The following SLFN5 variants were observed in gnomAD, a reference collection of about 807,000 sequenced individuals.
SLFN5 encodes schlafen family member 5.
Under a neutral mutation model 48.5 loss-of-function variants are expected in SLFN5, and 34 were observed. That is an observed-to-expected ratio of 0.70 (90% confidence interval 0.53 to 0.93). The LOEUF (loss-of-function observed/expected upper bound fraction) is 0.93, where lower values mean the gene tolerates loss of function less well. Ranked by LOEUF, SLFN5 falls within the 40% of genes least tolerant of loss-of-function variation. SLFN5 has a pLI of 0.00. For missense variants in SLFN5, 1,006 were observed against 1,071.3 expected (o/e 0.94, Z 0.85); for synonymous variants, 387 against 396.2 (o/e 0.98, Z 0.28).
rs747512179 is a variant in SLFN5 at position 35,259,065 on chromosome 17, C to T, written c.375C>T (p.Thr125=). ...TGTACCACAGAGAGAGAACATCCAC[C>T]GATGTCATGGATTCTCAGGAAGCTC... ...SNLYHRERTS[T]DVMDSQEALA... is the part of the protein sequence containing the mutation. Residue 125 remains threonine (T), a synonymous_variant, in exon 2 of 5, where the codon ACC becomes ACT. Transcript: ENST00000299977. 37 of 1,613,986 alleles carry T rather than the reference C, an allele frequency of 2.3e-5. No individual in the cohort carries two copies. Among genetic ancestry groups the T allele is most frequent in the African/African-American group, 1.2e-4 (9 of 74,874 alleles).
At chr17:35,261,700 A>G (rs1274437159) in intron 3 of SLFN5, among the ~76,000 whole-genome samples, 2 of 128,474 alleles carry the variant, frequency 1.6e-5, no homozygotes, top group Non-Finnish European at 3.3e-5. Flanking sequence ...TTTGAGATGA[A>G]GTTTCGCTCT....
At position 35,266,022 on chromosome 17, in the gene SLFN5, G is replaced by A. The variant is rs1413510262; in HGVS notation, c.*134G>A. The A allele has an allele frequency of 7.5e-6, 7 of 936,556 alleles. No homozygotes were observed. The highest frequency in any genetic ancestry group is 3.3e-5 in the African/African-American group (2 of 60,088). The allele number at this position is 936,556 out of a possible 1,614,324, so 58.0% of individuals were successfully genotyped here. The stretch of plus-strand genomic sequence containing the variant: ...TTTCTAGGTGCTGGGGATTGAGAAC[G>A]AATCGATGTAAGATTCCTCCTTTAG... On this transcript the variant is annotated 3_prime_UTR_variant, in exon 5 of 5. Transcript: ENST00000299977.
In SLFN5 at chr17:35,261,079, A is replaced by G; in HGVS notation, c.1121A>G (p.Gln374Arg). The G allele has an allele frequency of 6.2e-7, 1 of 1,613,618 alleles. No individual in the cohort carries two copies. The highest frequency in any genetic ancestry group is 1.7e-5 in the Admixed American group (1 of 60,018). ...HKNSECLKEQ[Q>R]KRYFPVFSDR... ...AATTCGGAATGTCTGAAAGAGCAGC[A>G]GAAACGCTACTTTCCAGGTAATTGG... is the stretch of plus-strand genomic sequence containing the variant. The change falls in exon 3 of 5, where the codon CAG becomes CGG. Residue 374 changes from glutamine (Q) to arginine (R), a missense_variant. Physicochemically the swap from Gln to Arg is conservative, Grantham distance 43. Transcript: ENST00000299977.
intron 1 of SLFN5, among the ~76,000 whole-genome samples, chr17:35,247,170 A>G (rs2092432683): frequency 6.6e-6 from 1 of 152,198 alleles, no homozygotes; most frequent in Non-Finnish European, 1.5e-5. Flanking sequence ...AGAAAGCCAA[A>G]TATGTTCCCC....
rs144075535 is a variant in SLFN5, at chr17:35,265,972, A to G, written c.*84A>G. 3.7e-6 allele frequency: 5 copies of G among 1,369,476 alleles called. No individual in the cohort carries two copies. The African/African-American group carries it at 4.4e-5, about 12-fold the overall frequency. 84.8% of individuals were successfully genotyped at this position (1,369,476 alleles called of 1,614,324 possible). A position where few individuals can be genotyped will look rare whatever the true frequency, so the allele number is the denominator to read the frequency against. ...CCATTTAATCCAAACATGTAAGCAC[A>G]CACTCACTTATTAAGTCACATACTT... On this transcript the variant is annotated 3_prime_UTR_variant, in exon 5 of 5. Transcript: ENST00000299977.
chr17:35,253,690 GTTTTT>G (rs57606643), intron 1 of SLFN5, among the ~76,000 whole-genome samples: 1,492 of 76,014 alleles, frequency 0.02, 30 homozygotes, highest in African/African-American at 0.071. Context: ...ATAGCTAACA[GTTTTT>G]TTTTTTTTTT....
chr17:35,263,250 C>A (rs1010233440), intron 3 of SLFN5, among the ~76,000 whole-genome samples: 2 of 152,064 alleles, frequency 1.3e-5, no homozygotes, highest in Non-Finnish European at 2.9e-5. Flanking sequence ...CGTGCCTCAG[C>A]CCCCCGAGTG....
At chr17:35,252,842 C>A (rs1440998970) in intron 1 of SLFN5, among the ~76,000 whole-genome samples, 1 of 151,924 alleles carries the variant, frequency 6.6e-6, no homozygotes, top group South Asian at 2.1e-4. Flanking sequence ...AAACCAATGG[C>A]CTCAGCCTCT....
In SLFN5 at chr17:35,268,879, G is replaced by A. The variant is rs72825917; in HGVS notation, c.*2991G>A. On this transcript the variant is annotated 3_prime_UTR_variant, in exon 5 of 5. Coordinates refer to ENST00000299977, the MANE Select transcript of SLFN5 (RefSeq NM_144975.4). ...TCTCTACAGGCAGTAAGCTGGGGCA[G>A]TCACAGAGGTGACCTCATCTGTTTC... 18,021 of 152,316 alleles carry A rather than the reference G, an allele frequency of 0.12. 1,129 individuals are homozygous for A. Among genetic ancestry groups the A allele is most frequent in the Admixed American group, 0.13 (1,986 of 15,308 alleles). 9.4% of individuals were successfully genotyped at this position (152,316 alleles called of 1,614,324 possible).
At position 35,264,369 on chromosome 17, in the gene SLFN5, T is replaced by TTC. The variant is rs1216176195; in HGVS notation, c.1327_1328dup (p.Ile444Ter). On this transcript the variant is annotated frameshift_variant, in exon 4 of 5. Transcript: ENST00000299977. LOFTEE classifies it high-confidence loss of function. Reference sequence around the variant, plus strand: ...AAGCAGGGAGTCATCTGTGATGCTCTTCTAATTTCCCAGAACAACACCCCT... The same window carrying TTC: ...AAGCAGGGAGTCATCTGTGATGCTCTTCTCTAATTTCCCAGAACAACACCCCT... The TTC allele has an allele frequency of 1.2e-6, 2 of 1,614,218 alleles. No individual in the cohort carries two copies. The highest frequency in any genetic ancestry group is 3.3e-5 in the Admixed American group (2 of 60,022).
intron 1 of SLFN5, among the ~76,000 whole-genome samples, chr17:35,245,308 A>G (rs1169717081): frequency 6.6e-6 from 1 of 152,246 alleles, no homozygotes; most frequent in Admixed American, 6.5e-5. Context: ...ACTAAGGGCT[A>G]GTAGCATATA....
chr17:35,265,636 A>G lies in SLFN5; in HGVS notation c.2424A>G (p.Leu808=). Residue 808 remains leucine, a synonymous_variant, in exon 5 of 5, where the codon CTA becomes CTG. Coordinates refer to ENST00000299977, the MANE Select transcript of SLFN5 (RefSeq NM_144975.4). ...TGGAAAAATATAAAGACAGGCTTCT[A>G]ACAGCAATGAGGAAGAGAAAACTGT... The part of the protein sequence containing the change: ...SEVEKYKDRL[L]TAMRKRKLSQ... The G allele has an allele frequency of 6.2e-7, 1 of 1,614,238 alleles. No individual in the cohort carries two copies. The highest frequency in any genetic ancestry group is 8.5e-7 in the Non-Finnish European group (1 of 1,180,030).
rs2291191 is a variant in SLFN5 at position 35,266,177 on chromosome 17, T to C, written c.*289T>C. ...GTGTGTGTGTGTGTGTGTGTGTGTG[T>C]GCGCGCGCGCACGTGCACATGTGTG... On this transcript the variant is annotated 3_prime_UTR_variant, in exon 5 of 5. Transcript: ENST00000299977. The C allele has an allele frequency of 0.24, 41,877 of 172,804 alleles. 5,397 individuals are homozygous for C. The highest frequency in any genetic ancestry group is 0.38 in the East Asian group (2,748 of 7,282). 10.7% of individuals were successfully genotyped at this position (172,804 alleles called of 1,614,324 possible).
chr17:35,255,232 T>G (rs975191947), intron 1 of SLFN5, among the ~76,000 whole-genome samples: 1 of 152,166 alleles, frequency 6.6e-6, no homozygotes, highest in African/African-American at 2.4e-5. Flanking sequence ...AACACAAAAA[T>G]ATTTAGAGAA....
rs573241884 is a variant in SLFN5, at chr17:35,264,504, G to A, written c.1460G>A (p.Arg487Lys). Residue 487 changes from arginine to lysine, a missense_variant, in exon 4 of 5, where the codon AGG becomes AAG. Coordinates refer to ENST00000299977, the MANE Select transcript of SLFN5 (RefSeq NM_144975.4). ...GTGAACAAAGGCGGCTACACTGGGA[G>A]GTTATGCATCACCCCCTTGGTCTGT... ...KLVNKGGYTG[R>K]LCITPLVCVL... 9.3e-6 allele frequency: 15 copies of A among 1,614,066 alleles called. No homozygotes were observed. Among genetic ancestry groups the A allele is most frequent in the African/African-American group, 4.0e-5 (3 of 75,032 alleles).
chr17:35,256,639 C>T (rs1244724519), intron 1 of SLFN5, among the ~76,000 whole-genome samples: 1 of 152,144 alleles, frequency 6.6e-6, no homozygotes, highest in African/African-American at 2.4e-5. Context: ...GGAGTTTGAA[C>T]TCAGGGTTTC....
intron 1 of SLFN5, among the ~76,000 whole-genome samples, chr17:35,251,950 G>A (rs1164709925): frequency 1.3e-5 from 2 of 151,942 alleles, no homozygotes; most frequent in Non-Finnish European, 2.9e-5. Context: ...CTGCCCCCAG[G>A]TGATCCACCC....
At chr17:35,246,640 A>C (rs900931077) in intron 1 of SLFN5, among the ~76,000 whole-genome samples, 2 of 152,138 alleles carry the variant, frequency 1.3e-5, no homozygotes, top group African/African-American at 4.8e-5. Context: ...AGATCACTTG[A>C]GGTCAGGAGT....
At chr17:35,265,000 A>C in intron 4 of SLFN5, 72 bp from the exon 5 acceptor site, 1 of 1,548,938 alleles carries the variant, frequency 6.5e-7, no homozygotes, top group South Asian at 1.3e-5. Flanking sequence ...ATTTACCATG[A>C]CCAGAGGGGT....
Sources: allele counts gnomAD v4.1 joint callset (sites outside exome capture counted in the v4.1 genomes callset), GRCh38; gene constraint gnomAD v4.1.1; transcripts MANE v1.5; gene names NCBI Gene and HGNC (gene_info 2026-07-23, HGNC 2026-07-21).